CEP126: variants seen among roughly 807,000 people sequenced by gnomAD.
The protein encoded by CEP126 is centrosomal protein of 126 kDa.
A neutral mutation model predicts 107.8 loss-of-function variants in CEP126; 74 were observed. The observed-to-expected ratio is 0.69, with a 90% CI of 0.57 to 0.83. The LOEUF (loss-of-function observed/expected upper bound fraction) is 0.83. Among genes scored for constraint, CEP126 ranks in the 40% least tolerant of loss-of-function variants. The pLI, the probability that CEP126 is intolerant of heterozygous loss-of-function variation, is 0.00. For missense variants in CEP126, 1,237 were observed against 1,281.9 expected, an observed-to-expected ratio of 0.96 and a Z score of 0.53; for synonymous variants, 449 against 446.0, an observed-to-expected ratio of 1.01 and a Z score of -0.08.
At chr11:101,915,486 C>T (rs1397590946) in intron 1 of CEP126, 74 bp downstream of exon 1, 1 of 1,539,410 alleles carries the variant, frequency 6.5e-7, no homozygotes, top group African/African-American at 1.4e-5. Context: ...ATTAGATTCC[C>T]ATTACCTTTG....
In CEP126 at chr11:101,978,383, C is replaced by T; in HGVS notation, c.2882C>T (p.Thr961Ile). ...TVMRRKRIAE[T>I]KRRNILEQKR... ...ATGAGAAGAAAACGAATTGCTGAAACTAAGCGGAGAAATATTTTAGAGCAG... is the reference window on the plus strand; with the variant it reads ...ATGAGAAGAAAACGAATTGCTGAAATTAAGCGGAGAAATATTTTAGAGCAG... The change falls in exon 7 of 11, where the codon ACT becomes ATT. Residue 961 changes from threonine to isoleucine, a missense_variant. Transcript: ENST00000263468. 1 of 1,613,438 alleles carries T rather than the reference C, an allele frequency of 6.2e-7. No homozygotes were observed. The highest frequency in any genetic ancestry group is 1.1e-5 in the South Asian group (1 of 91,050).
Position 101,985,378 on chromosome 11 carries a change from G to A in CEP126, c.3035-1454G>A, listed in dbSNP as rs182527706. 1.3e-3 allele frequency among the ~76,000 whole-genome samples: 194 copies of A among 151,652 alleles called. No homozygotes were observed. In the Middle Eastern group the frequency reaches 0.014, roughly 11 times the overall value. On this transcript the variant is annotated intron_variant, in intron 8 of 10. Transcript: ENST00000263468. ...GTTCATTGCAACCTCCGCCTCTCAA[G>A]TTCAAGCAATTCTCCTGCATCAGCC...
rs1353710206 is a variant in CEP126, at chr11:101,998,134, A to C, written c.*491A>C. On this transcript the variant is annotated 3_prime_UTR_variant, in exon 11 of 11. Transcript: ENST00000263468. ...TATTCTTAAAGTTACCACATCCCAC[A>C]AAATGGCCCTTGGTGGCAGCAATAG... 6.5e-6 allele frequency: 1 copy of C among 153,014 alleles called. No individual in the cohort carries two copies. Among genetic ancestry groups the C allele is most frequent in the Non-Finnish European group, 1.5e-5 (1 of 68,602 alleles). 9.5% of individuals were successfully genotyped at this position (153,014 alleles called of 1,614,324 possible).
intron 1 of CEP126, among the ~76,000 whole-genome samples, chr11:101,917,851 A>T (rs201208115): frequency 1.3e-5 from 2 of 152,154 alleles, no homozygotes; most frequent in South Asian, 4.1e-4. Context: ...TTACTCCTTC[A>T]TGCGAATAAT....
chr11:101,982,784 T>G (rs1203261184), intron 8 of CEP126, among the ~76,000 whole-genome samples: 1 of 152,190 alleles, frequency 6.6e-6, no homozygotes, highest in Admixed American at 6.5e-5. Flanking sequence ...CTAATCCAAA[T>G]ATTTCAAAAT....
chr11:101,948,091 TAAAATC>T lies in CEP126; in HGVS notation c.457_462del (p.Lys153_Ser154del). 6.2e-7 allele frequency: 1 copy of T among 1,612,168 alleles called. No individual in the cohort carries two copies. Among genetic ancestry groups the T allele is most frequent in the African/African-American group, 1.3e-5 (1 of 74,996 alleles). ...CTCAAACAAATTCAGGAATCCAACT[TAAAATC>T]AGAAGTAAACCTTCCCTTTTCCCGT... On this transcript the variant is annotated inframe_deletion, in exon 4 of 11. Transcript: ENST00000263468.
chr11:101,963,962 GC>G, intron 6 of CEP126, 82 bp downstream of exon 6: 1 of 853,420 alleles, frequency 1.2e-6, no homozygotes, highest in Non-Finnish European at 1.8e-6. Context: ...TTTATGTATG[GC>G]CATACATACT....
intron 6 of CEP126, among the ~76,000 whole-genome samples, chr11:101,966,602 A>G (rs1941059710): frequency 6.6e-6 from 1 of 152,144 alleles, no homozygotes; most frequent in Non-Finnish European, 1.5e-5. Context: ...TTCCATACAG[A>G]GTCTTTGCCA....
intron 9 of CEP126, among the ~76,000 whole-genome samples, chr11:101,987,953 G>A (rs80003629): frequency 0.011 from 1,580 of 150,472 alleles, 13 homozygotes; most frequent in Non-Finnish European, 0.018. Flanking sequence ...CAAGGAAAAT[G>A]AGCAGCCTAC....
chr11:101,958,377 A>G lies in CEP126; in HGVS notation c.705+11A>G. ...CTAAGCAATTTGCAAGTATGAAACT[A>G]TAAAAATGTTGTTAATATTTTAATT... On this transcript the variant is annotated intron_variant, in intron 5 of 10. Coordinates refer to ENST00000263468, the MANE Select transcript of CEP126 (RefSeq NM_020802.4). 6.2e-7 allele frequency: 1 copy of G among 1,606,734 alleles called. No individual in the cohort carries two copies. Among genetic ancestry groups the G allele is most frequent in the Non-Finnish European group, 8.5e-7 (1 of 1,174,984 alleles).
intron 9 of CEP126, among the ~76,000 whole-genome samples, chr11:101,990,207 G>A (rs1337289965): frequency 1.3e-5 from 2 of 152,138 alleles, no homozygotes; most frequent in Non-Finnish European, 2.9e-5. Context: ...TACACTGAGT[G>A]TGTGTTCATG....
At chr11:101,994,473 G>A (rs1223264320) in intron 10 of CEP126, among the ~76,000 whole-genome samples, 1 of 152,088 alleles carries the variant, frequency 6.6e-6, no homozygotes, top group African/African-American at 2.4e-5. Flanking sequence ...TGTTTCCTAG[G>A]TTATCCTCCA....
chr11:101,944,936 A>T (rs1940715884), intron 3 of CEP126, among the ~76,000 whole-genome samples: 1 of 152,220 alleles, frequency 6.6e-6, no homozygotes, highest in Non-Finnish European at 1.5e-5. Context: ...AATTAACAAT[A>T]TGTCAAAGCT....
chr11:101,987,131 A>G, intron 9 of CEP126, 90 bp downstream of exon 9: 2 of 884,034 alleles, frequency 2.3e-6, no homozygotes, highest in Non-Finnish European at 3.5e-6. Flanking sequence ...TTGAAAAGAA[A>G]AATACAAAAT....
At chr11:101,946,718 G>A (rs1219365531) in intron 3 of CEP126, among the ~76,000 whole-genome samples, 3 of 151,948 alleles carry the variant, frequency 2.0e-5, no homozygotes, top group African/African-American at 7.3e-5. Context: ...AAGTTAGCCA[G>A]GCATGGTGGC....
intron 2 of CEP126, among the ~76,000 whole-genome samples, chr11:101,927,127 C>G (rs1199567607): frequency 1.3e-5 from 2 of 152,112 alleles, no homozygotes; most frequent in Non-Finnish European, 2.9e-5. Context: ...CCTGGTGAAA[C>G]CCCGTCTCTA....
chr11:101,947,463 G>A (rs1940752930), intron 3 of CEP126, among the ~76,000 whole-genome samples: 2 of 152,064 alleles, frequency 1.3e-5, no homozygotes, highest in African/African-American at 4.8e-5. Context: ...GATATATATA[G>A]GACATAGGGT....
rs1220805115 is a variant in CEP126 at position 101,963,245 on chromosome 11, C to T, written c.2210C>T (p.Pro737Leu). Reference protein sequence around the residue: ...PASKKEESKIPVHDDSKTKQG... With the variant: ...PASKKEESKILVHDDSKTKQG... ...TCAAAAAAAGAAGAAAGTAAAATCCCTGTACATGATGATTCTAAAACTAAG... is the reference window on the plus strand; with the variant it reads ...TCAAAAAAAGAAGAAAGTAAAATCCTTGTACATGATGATTCTAAAACTAAG... The change falls in exon 6 of 11, where the codon CCT becomes CTT. Residue 737 changes from proline to leucine, a missense_variant. Pro to Leu is a moderately conservative substitution (Grantham distance 98). Coordinates refer to ENST00000263468, the MANE Select transcript of CEP126 (RefSeq NM_020802.4). The T allele has an allele frequency of 2.5e-6, 4 of 1,613,848 alleles. No homozygotes were observed. The highest frequency in any genetic ancestry group is 3.4e-6 in the Non-Finnish European group (4 of 1,180,014).
intron 4 of CEP126, 47 bp downstream of exon 4, chr11:101,948,189 AAC>A: frequency 1.7e-6 from 2 of 1,178,338 alleles, no homozygotes; most frequent in Non-Finnish European, 2.5e-6. Flanking sequence ...ATAATTGTAT[AAC>A]CATCTAGTTA....
Sources: gnomAD v4.1 joint callset for allele counts (sites outside exome capture counted in the v4.1 genomes callset) on GRCh38, gnomAD v4.1.1 for gene constraint, MANE v1.5 for transcripts, NCBI Gene and HGNC (gene_info 2026-07-23, HGNC 2026-07-21) for gene names.